Variants in FAT4 observed in about 807,000 individuals in gnomAD.
FAT4 encodes protocadherin Fat 4.
FAT4 carries 84 observed loss-of-function variants against 303.9 expected under a neutral mutation model. The ratio of observed to expected loss-of-function variants is 0.28; its 90% CI spans 0.23 to 0.33. FAT4 has a LOEUF of 0.33. Ranked by LOEUF, FAT4 falls within the 10% of genes least tolerant of loss-of-function variation. The pLI, the probability that FAT4 is intolerant of heterozygous loss-of-function variation, is 1.00. For synonymous variants in FAT4, 2,307 were observed against 2,298.8 expected, an observed-to-expected ratio of 1.00 and a Z score of -0.10; for missense variants, 6,005 against 6,146.8, an observed-to-expected ratio of 0.98 and a Z score of 0.77.
intron 2 of FAT4, among the ~76,000 whole-genome samples, chr4:125,357,665 C>T (rs931133180): frequency 2.6e-4 from 39 of 152,110 alleles, no homozygotes; most frequent in African/African-American, 8.4e-4. Context: ...TTTATCTCCT[C>T]ATTGCAATTT....
chr4:125,320,437 C>T lies in FAT4; in HGVS notation c.4026C>T (p.Ser1342=), dbSNP rs766699706. ...ELVSSVTATD[S]DSGDNADLYY... ...TGTCCTCTGTTACTGCAACTGATTC[C>T]GATTCAGGTGACAATGCTGATTTAT... The change falls in exon 2 of 18, where the codon TCC becomes TCT. Residue 1342 remains serine (S), a synonymous_variant. Coordinates refer to ENST00000394329, the MANE Select transcript of FAT4 (RefSeq NM_001291303.3). 47 of 1,613,696 alleles carry T rather than the reference C, an allele frequency of 2.9e-5. No homozygotes were observed. The highest frequency in any genetic ancestry group is 1.6e-4 in the Middle Eastern group (1 of 6,084).
intron 2 of FAT4, among the ~76,000 whole-genome samples, chr4:125,375,554 T>C (rs1370169340): frequency 6.6e-6 from 1 of 152,144 alleles, no homozygotes; most frequent in East Asian, 1.9e-4. Context: ...ATTTTGAAAA[T>C]TATATCCAGT....
chr4:125,446,581 AAACT>A (rs747967034), intron 9 of FAT4, 38 bp downstream of exon 9: 5 of 1,517,864 alleles, frequency 3.3e-6, no homozygotes, highest in South Asian at 2.5e-5. Flanking sequence ...GGATATAAAC[AAACT>A]ATGTATCAGA....
intron 2 of FAT4, among the ~76,000 whole-genome samples, chr4:125,332,840 A>T (rs776050984): frequency 6.6e-6 from 1 of 152,148 alleles, no homozygotes; most frequent in Non-Finnish European, 1.5e-5. Context: ...CTAACTAATG[A>T]TTAAAACGTT....
rs1353745921 is a variant in FAT4 at position 125,315,291 on chromosome 4, A to C, written c.-699A>C. On this transcript the variant is annotated 5_prime_UTR_variant, in exon 1 of 18. Coordinates refer to ENST00000394329, the MANE Select transcript of FAT4 (RefSeq NM_001291303.3). ...GCCGACTTCGCCGCCTCCGCTGCCAACTGTGAAGGAGAGAGAGGCATCAAC... is the reference window on the plus strand; with the variant it reads ...GCCGACTTCGCCGCCTCCGCTGCCACCTGTGAAGGAGAGAGAGGCATCAAC... 2.0e-5 allele frequency among the ~76,000 whole-genome samples: 3 copies of C among 152,090 alleles called. No individual in the cohort carries two copies. The highest frequency in any genetic ancestry group is 7.2e-5 in the African/African-American group (3 of 41,426).
intron 2 of FAT4, among the ~76,000 whole-genome samples, chr4:125,349,918 A>G (rs1453554651): frequency 6.6e-6 from 1 of 151,696 alleles, no homozygotes. Context: ...CAATCTTGAC[A>G]CATATATTGA....
intron 2 of FAT4, among the ~76,000 whole-genome samples, chr4:125,354,408 T>C (rs1209127209): frequency 6.6e-6 from 1 of 151,704 alleles, no homozygotes; most frequent in Non-Finnish European, 1.5e-5. Flanking sequence ...ACTTAGAAAA[T>C]TATACACATT....
chr4:125,388,862 A>G (rs1259699659), intron 2 of FAT4, among the ~76,000 whole-genome samples: 2 of 152,144 alleles, frequency 1.3e-5, no homozygotes, highest in African/African-American at 4.8e-5. Context: ...GCTTCTAGCC[A>G]TTCTTGTCAC....
intron 7 of FAT4, among the ~76,000 whole-genome samples, chr4:125,425,604 G>GTATA (rs1725060949): frequency 6.6e-6 from 1 of 152,062 alleles, no homozygotes; most frequent in African/African-American, 2.4e-5. Flanking sequence ...GTTTTATTAA[G>GTATA]TATAAAGTAC....
Position 125,415,420 on chromosome 4 carries a change from A to T in FAT4, c.6457A>T (p.Ile2153Phe), listed in dbSNP as rs1205978069. ...MVLDINDNNP[I>F]FAQALYKVEI... ...ACTTGACATCAATGATAACAACCCC[A>T]TCTTTGCACAAGCTTTGTATAAAGT... The change falls in exon 6 of 18, where the codon ATC (isoleucine) becomes TTC (phenylalanine). Residue 2153 changes from isoleucine to phenylalanine, a missense_variant. By Grantham distance (21) the Ile-to-Phe change is conservative. Transcript: ENST00000394329. The T allele has an allele frequency of 6.2e-7, 1 of 1,614,122 alleles. No homozygotes were observed. Among genetic ancestry groups the T allele is most frequent in the East Asian group, 2.2e-5 (1 of 44,866 alleles).
At chr4:125,394,491 G>A (rs752160135) in intron 2 of FAT4, among the ~76,000 whole-genome samples, 1 of 152,070 alleles carries the variant, frequency 6.6e-6, no homozygotes, top group Non-Finnish European at 1.5e-5. Flanking sequence ...AAATAATATT[G>A]TAGACTTTTA....
chr4:125,365,787 C>T (rs1732856438), intron 2 of FAT4, among the ~76,000 whole-genome samples: 1 of 152,144 alleles, frequency 6.6e-6, no homozygotes, highest in South Asian at 2.1e-4. Context: ...TTAGAATTAT[C>T]CTCCTTTATA....
intron 12 of FAT4, 41 bp downstream of exon 12, chr4:125,468,860 A>G (rs1469055806): frequency 2.6e-6 from 4 of 1,553,396 alleles, no homozygotes; most frequent in Admixed American, 1.8e-5. Context: ...ATCCAACTGG[A>G]TCTTCAAATA....
intron 2 of FAT4, among the ~76,000 whole-genome samples, chr4:125,358,609 C>A (rs1415620958): frequency 6.6e-6 from 1 of 152,058 alleles, no homozygotes. Context: ...GGAGGCAGAG[C>A]TCAGGTGATA....
intron 2 of FAT4, among the ~76,000 whole-genome samples, chr4:125,385,024 A>ATATAT (rs1445379104): frequency 1.1e-5 from 1 of 94,430 alleles, no homozygotes; most frequent in East Asian, 3.3e-4. Context: ...ATATATATAT[A>ATATAT]TTTTTTTTTT....
At chr4:125,350,919 A>G (rs1238083552) in intron 2 of FAT4, among the ~76,000 whole-genome samples, 1 of 151,664 alleles carries the variant, frequency 6.6e-6, no homozygotes, top group Non-Finnish European at 1.5e-5. Flanking sequence ...GAGGTTCATC[A>G]TATTTCCCAT....
intron 2 of FAT4, 84 bp downstream of exon 2, chr4:125,321,670 T>G: frequency 7.7e-7 from 1 of 1,304,334 alleles, no homozygotes; most frequent in South Asian, 1.7e-5. Context: ...TATAATTGTT[T>G]ACCTTCATTG....
In FAT4 at chr4:125,479,875, G is replaced by GTCT. The variant is rs1560633248; in HGVS notation, c.12604+13_12604+15dup. Reference sequence around the variant, plus strand: ...AAATACTGTGAAAAATGTATGTAAGGTCTTCCGTCTTCCCCTGGAAATTTT... The same window carrying GTCT: ...AAATACTGTGAAAAATGTATGTAAGGTCTTCTTCCGTCTTCCCCTGGAAATTTT... On this transcript the variant is annotated intron_variant, in intron 15 of 17. Coordinates refer to ENST00000394329, the MANE Select transcript of FAT4 (RefSeq NM_001291303.3). 6.5e-7 allele frequency: 1 copy of GTCT among 1,536,012 alleles called. No homozygotes were observed. The highest frequency in any genetic ancestry group is 2.3e-5 in the East Asian group (1 of 44,094).
rs565537727 is a variant in FAT4 at position 125,424,340 on chromosome 4, A to G, written c.7018+7718A>G. On this transcript the variant is annotated intron_variant, in intron 7 of 17. Transcript: ENST00000394329. ...TTCTCAGGAGATGTGATGGTTCTAT[A>G]AGGGCTTCACCCCACTTCACTCTGC... is the stretch of plus-strand genomic sequence containing the variant. Among the ~76,000 whole-genome samples the G allele has an allele frequency of 7.9e-5, 12 of 152,196 alleles. No homozygotes were observed. The East Asian group carries it at 2.1e-3, about 27-fold the overall frequency.
Sources: gnomAD v4.1 joint callset for allele counts (sites outside exome capture counted in the v4.1 genomes callset) on GRCh38, gnomAD v4.1.1 for gene constraint, MANE v1.5 for transcripts, NCBI Gene and HGNC (gene_info 2026-07-23, HGNC 2026-07-21) for gene names.